The following STX1B variants were observed in gnomAD, a reference collection of about 807,000 sequenced individuals.
STX1B encodes the protein syntaxin 1B.
A neutral mutation model predicts 39.4 loss-of-function variants in STX1B; 7 were observed. The observed-to-expected ratio is 0.18, with a 90% CI of 0.10 to 0.33. STX1B has a LOEUF of 0.33. Among genes scored for constraint, STX1B ranks in the 10% least tolerant of loss-of-function variants. The probability of loss-of-function intolerance (pLI) is 1.00; values close to 1 mark genes in which losing one functional copy is unlikely to be tolerated. For synonymous variants in STX1B, 136 were observed against 144.1 expected (o/e 0.94, Z 0.40); for missense variants, 198 against 383.2 (o/e 0.52, Z 4.04).
chr16:30,996,321 G>C (rs1253325631), intron 7 of STX1B: 1 of 206,060 alleles, frequency 4.9e-6, no homozygotes, highest in Non-Finnish European at 9.9e-6. Flanking sequence ...TCTGAAACTA[G>C]ACAGGATTCA....
intron 7 of STX1B, among the ~76,000 whole-genome samples, chr16:30,994,588 G>GAA (rs563043482): frequency 1.6e-5 from 2 of 127,886 alleles, no homozygotes; most frequent in South Asian, 2.5e-4. Context: ...AGACCATGCT[G>GAA]AAAAAAAAAA....
In STX1B at chr16:30,992,647, G is replaced by T. The variant is rs191289798; in HGVS notation, c.*174C>A. The T allele has an allele frequency of 1.5e-4, 78 of 517,946 alleles. 2 individuals are homozygous for T. Among genetic ancestry groups the T allele is most frequent in the East Asian group, 2.7e-4 (9 of 32,892 alleles). The allele number at this position is 517,946 out of a possible 1,614,324, so 32.1% of individuals were successfully genotyped here. On this transcript the variant is annotated 3_prime_UTR_variant, in exon 10 of 10. Coordinates refer to ENST00000215095, the MANE Select transcript of STX1B (RefSeq NM_052874.5). ...TGCGATCTACGTGCGGGGACGGGGG[G>T]GGGGTCCATGGCCCGGTGAGGTCCA...
intron 1 of STX1B, among the ~76,000 whole-genome samples, chr16:31,007,729 C>A (rs565181687): frequency 8.5e-5 from 13 of 152,150 alleles, no homozygotes; most frequent in Non-Finnish European, 2.9e-5. Context: ...TCGCAGGGGG[C>A]TTGTGTGGTG....
chr16:30,989,498 TC>T lies in STX1B; in HGVS notation c.*3322del, dbSNP rs1405825223. On this transcript the variant is annotated 3_prime_UTR_variant, in exon 10 of 10. Transcript: ENST00000215095. The stretch of plus-strand genomic sequence containing the variant: ...CTGGGCCCCAGCCAGGCCCCAGGAG[TC>T]CTGTCCCCTCTGAGAAGGGGAGGGA... 1 of 151,312 alleles carries T rather than the reference TC, an allele frequency of 6.6e-6. No individual in the cohort carries two copies. The highest frequency in any genetic ancestry group is 1.5e-5 in the Non-Finnish European group (1 of 67,834). 9.4% of individuals were successfully genotyped at this position (151,312 alleles called of 1,614,324 possible).
At chr16:31,006,771 C>T (rs1316138377) in intron 1 of STX1B, among the ~76,000 whole-genome samples, 1 of 152,068 alleles carries the variant, frequency 6.6e-6, no homozygotes, top group Non-Finnish European at 1.5e-5. Context: ...GAACAGCATG[C>T]GCGAAGGTCC....
At chr16:31,000,834 A>G in intron 4 of STX1B, 94 bp downstream of exon 4, 1 of 1,251,706 alleles carries the variant, frequency 8.0e-7, no homozygotes, top group Non-Finnish European at 1.2e-6. Context: ...CCTGGGATTG[A>G]GCAATTGGCC....
At chr16:30,993,835 A>G (rs1232837522) in intron 7 of STX1B, among the ~76,000 whole-genome samples, 1 of 152,190 alleles carries the variant, frequency 6.6e-6, no homozygotes, top group East Asian at 1.9e-4. Context: ...AAATATAAAA[A>G]TTAGCCTGGT....
chr16:31,003,591 C>T (rs1406502736), intron 1 of STX1B, among the ~76,000 whole-genome samples: 1 of 152,190 alleles, frequency 6.6e-6, no homozygotes, highest in Non-Finnish European at 1.5e-5. Flanking sequence ...CTCTGTGTCT[C>T]TCCCTTCCCC....
At position 30,991,460 on chromosome 16, in the gene STX1B, GGA is replaced by G. The variant is rs1261869428; in HGVS notation, c.*1359_*1360del. 2.0e-5 allele frequency: 3 copies of G among 153,036 alleles called. No individual in the cohort carries two copies. The highest frequency in any genetic ancestry group is 4.4e-5 in the Non-Finnish European group (3 of 68,316). The allele number at this position is 153,036 out of a possible 1,614,324, so 9.5% of individuals were successfully genotyped here. On this transcript the variant is annotated 3_prime_UTR_variant, in exon 10 of 10. Coordinates refer to ENST00000215095, the MANE Select transcript of STX1B (RefSeq NM_052874.5). ...GGAGGGGGGCAGGGCAAGGACAACTGGAGAGACAAAGCCAGATGGGGCCACGT... is the reference window on the plus strand; with the variant it reads ...GGAGGGGGGCAGGGCAAGGACAACTGGAGACAAAGCCAGATGGGGCCACGT...
intron 4 of STX1B, among the ~76,000 whole-genome samples, chr16:31,000,295 CA>C (rs1299010212): frequency 6.6e-6 from 1 of 150,982 alleles, no homozygotes; most frequent in Non-Finnish European, 1.5e-5. Context: ...CATGAGCTAC[CA>C]CGCCCAGTCC....
At chr16:30,997,349 G>A (rs2056600220) in intron 5 of STX1B, among the ~76,000 whole-genome samples, 153 bp downstream of exon 5, 1 of 151,862 alleles carries the variant, frequency 6.6e-6, no homozygotes, top group South Asian at 2.1e-4. Flanking sequence ...CCCCGCCCAG[G>A]GCCCCGCCCG....
chr16:31,006,241 A>C (rs2056654615), intron 1 of STX1B, among the ~76,000 whole-genome samples: 1 of 150,026 alleles, frequency 6.7e-6, no homozygotes, highest in Non-Finnish European at 1.5e-5. Context: ...CCTTTCCCCC[A>C]CCCTCTGCTT....
At chr16:31,009,154 A>AC (rs1350046874) in intron 1 of STX1B, among the ~76,000 whole-genome samples, 1 of 151,808 alleles carries the variant, frequency 6.6e-6, no homozygotes, top group African/African-American at 2.4e-5. Context: ...CTGGGTCCCC[A>AC]CCCCCAAATC....
chr16:30,996,275 A>C (rs1398560591), intron 7 of STX1B: 1 of 163,716 alleles, frequency 6.1e-6, no homozygotes. Context: ...TCAGTAGCAG[A>C]GTATGTCGTG....
At chr16:31,000,332 GTTT>G (rs55729102) in intron 4 of STX1B, among the ~76,000 whole-genome samples, 5 of 123,386 alleles carry the variant, frequency 4.1e-5, no homozygotes, top group Non-Finnish European at 1.7e-5. Context: ...TTTGTTTTTT[GTTT>G]TTTTTTTTTT....
rs368619665 is a variant in STX1B, at chr16:31,001,602, G to A, written c.32C>T (p.Ala11Val). 45 of 1,612,744 alleles carry A rather than the reference G, an allele frequency of 2.8e-5. No individual in the cohort carries two copies. The highest frequency in any genetic ancestry group is 5.3e-5 in the African/African-American group (4 of 74,884). The change falls in exon 2 of 10, where the codon GCG becomes GTG. Residue 11 changes from alanine (A) to valine (V), a missense_variant and splice_region_variant. Physicochemically the swap from Ala to Val is moderately conservative, Grantham distance 64 (BLOSUM62 0). Coordinates refer to ENST00000215095, the MANE Select transcript of STX1B (RefSeq NM_052874.5). The surrounding 1 kb of genome is among the most constrained non-coding windows in gnomAD (Gnocchi z 5.5). MKDRTQELRS[A>V]KDSDDEEEVV... ...CTCCTCTTCATCATCACTGTCTTTC[G>A]CCTGGGGACAAGGAAGGCTGAGTCC...
chr16:30,989,631 GCA>G lies in STX1B; in HGVS notation c.*3188_*3189del, dbSNP rs1297903288. 3 of 152,458 alleles carry G rather than the reference GCA, an allele frequency of 2.0e-5. No homozygotes were observed. The South Asian group carries it at 6.2e-4, about 32-fold the overall frequency. 9.4% of individuals were successfully genotyped at this position (152,458 alleles called of 1,614,324 possible). On this transcript the variant is annotated 3_prime_UTR_variant, in exon 10 of 10. Transcript: ENST00000215095. ...CAGTGACACAGAAACACACGCCAAC[GCA>G]CACGGCTGCACAGCGGGCAGGGGCG...
rs578144023 is a variant in STX1B at position 30,995,157 on chromosome 16, G to A, written c.537+1526C>T. Among the ~76,000 whole-genome samples, 13 of 151,856 alleles carry A rather than the reference G, an allele frequency of 8.6e-5. No individual in the cohort carries two copies. In the South Asian group the frequency reaches 1.5e-3, roughly 17 times the overall value. On this transcript the variant is annotated intron_variant, in intron 7 of 9. Transcript: ENST00000215095. The stretch of plus-strand genomic sequence containing the variant: ...TTTAAATCAAAAAAACATTTTTTTT[G>A]TAGAGATGGGGGTCTCACTTTGTTG...
rs1426458585 is a variant in STX1B, at chr16:30,991,885, AAAAAC to A, written c.*931_*935del. Reference sequence around the variant, plus strand: ...TCCGTCTCGAAAAAAACAAAAAACAAAAAACAAAAAAAAATTAAAAAGCACACCAT... The same window carrying A: ...TCCGTCTCGAAAAAAACAAAAAACAAAAAAAAAAATTAAAAAGCACACCAT... On this transcript the variant is annotated 3_prime_UTR_variant, in exon 10 of 10. Transcript: ENST00000215095. The A allele has an allele frequency of 6.6e-6, 1 of 152,232 alleles. No individual in the cohort carries two copies. The highest frequency in any genetic ancestry group is 1.5e-5 in the Non-Finnish European group (1 of 68,154). The allele number at this position is 152,232 out of a possible 1,614,324, so 9.4% of individuals were successfully genotyped here.
Sources: allele counts gnomAD v4.1 joint callset (sites outside exome capture counted in the v4.1 genomes callset), GRCh38; gene constraint gnomAD v4.1.1; non-coding constraint Gnocchi (gnomAD v3.1); transcripts MANE v1.5; gene names NCBI Gene and HGNC (gene_info 2026-07-23, HGNC 2026-07-21).